Variants in TNFRSF10D observed in about 807,000 individuals in gnomAD.
TNFRSF10D encodes the protein tumor necrosis factor receptor superfamily member 10D.
TNFRSF10D carries 28 observed loss-of-function variants against 42.1 expected under a neutral mutation model. That is an observed-to-expected ratio of 0.66 (90% CI 0.49 to 0.91). TNFRSF10D has a LOEUF of 0.91. Ranked by LOEUF, TNFRSF10D falls within the 40% of genes least tolerant of loss-of-function variation. The probability of loss-of-function intolerance (pLI) is 0.00; values close to 1 mark genes in which losing one functional copy is unlikely to be tolerated. For missense variants in TNFRSF10D, 503 were observed against 486.1 expected (o/e 1.03, Z -0.33); for synonymous variants, 186 against 189.4 (o/e 0.98, Z 0.15).
chr8:23,143,016 G>T (rs1316901383), intron 7 of TNFRSF10D, among the ~76,000 whole-genome samples: 1 of 150,072 alleles, frequency 6.7e-6, no homozygotes, highest in Non-Finnish European at 1.5e-5. Context: ...TGACTCTGTA[G>T]CCCAGGCTGG....
In TNFRSF10D at chr8:23,138,040, C is replaced by G. The variant is rs372650985; in HGVS notation, c.1028-37G>C. 2,363 of 1,611,202 alleles carry G rather than the reference C, an allele frequency of 1.5e-3. No individual in the cohort carries two copies. In the African/African-American group the frequency reaches 0.018, roughly 12 times the overall value. The stretch of plus-strand genomic sequence containing the variant: ...GAAGAGATTTAGGGTCTCAATGCTC[C>G]AAGGACGATCAGCACAGGATCGACA... On this transcript the variant is annotated intron_variant, in intron 8 of 8. Transcript: ENST00000312584.
Position 23,136,659 on chromosome 8 carries a change from C to G in TNFRSF10D, c.*1211G>C, listed in dbSNP as rs1453370434. On this transcript the variant is annotated 3_prime_UTR_variant, in exon 9 of 9. Transcript: ENST00000312584. ...CGGATCTAACTTAATTCTCACTGTC[C>G]TCATCTGCTGTGGACAAGTCGGAAG... 3 of 152,476 alleles carry G rather than the reference C, an allele frequency of 2.0e-5. No homozygotes were observed. The highest frequency in any genetic ancestry group is 7.2e-5 in the African/African-American group (3 of 41,448). 9.4% of individuals were successfully genotyped at this position (152,476 alleles called of 1,614,324 possible).
In TNFRSF10D at chr8:23,145,626, G is replaced by A. The variant is rs1800107629; in HGVS notation, c.736+42C>T. ...GTGGGAACGGAGTGGGAGAGGGCAGGGCAGACAGTGCCCAGCGCTCCCACC... is the reference window on the plus strand; with the variant it reads ...GTGGGAACGGAGTGGGAGAGGGCAGAGCAGACAGTGCCCAGCGCTCCCACC... On this transcript the variant is annotated intron_variant, in intron 5 of 8. Coordinates refer to ENST00000312584, the MANE Select transcript of TNFRSF10D (RefSeq NM_003840.5). 3 of 1,611,674 alleles carry A rather than the reference G, an allele frequency of 1.9e-6. No individual in the cohort carries two copies. The South Asian group carries it at 3.3e-5, about 18-fold the overall frequency.
chr8:23,148,505 C>T lies in TNFRSF10D; in HGVS notation c.303G>A (p.Glu101=). Residue 101 remains glutamate, a synonymous_variant, in exon 3 of 9, where the codon GAG becomes GAA. Coordinates refer to ENST00000312584, the MANE Select transcript of TNFRSF10D (RefSeq NM_003840.5). The stretch of plus-strand genomic sequence containing the variant: ...TGGAAGCAATGGTGTAATCCACACC[C>T]TCTGTGCACGGGTTACAGGCTCCAG... ...EYTGACNPCT[E]GVDYTIASNN... 3 of 1,611,120 alleles carry T rather than the reference C, an allele frequency of 1.9e-6. No individual in the cohort carries two copies.
chr8:23,141,800 TA>T (rs1389776477), intron 7 of TNFRSF10D, among the ~76,000 whole-genome samples: 3 of 152,100 alleles, frequency 2.0e-5, no homozygotes, highest in South Asian at 4.1e-4. Flanking sequence ...TGGCGATTAT[TA>T]AAAAGCCAGT....
At chr8:23,156,089 C>T (rs1363438146) in intron 1 of TNFRSF10D, among the ~76,000 whole-genome samples, 1 of 152,072 alleles carries the variant, frequency 6.6e-6, no homozygotes, top group Non-Finnish European at 1.5e-5. Flanking sequence ...ATAGAGTCTG[C>T]ATATTAGATA....
rs373166844 is a variant in TNFRSF10D at position 23,146,849 on chromosome 8, G to C, written c.482+112C>G. ...GCTCAGGAAACCCCACAGGCTCAGG[G>C]AGGCCTCGGGCCTGGAGGATCCATG... is the stretch of plus-strand genomic sequence containing the variant. On this transcript the variant is annotated intron_variant, in intron 4 of 8. Coordinates refer to ENST00000312584, the MANE Select transcript of TNFRSF10D (RefSeq NM_003840.5). 9.7e-4 allele frequency: 865 copies of C among 888,438 alleles called. 10 individuals carry two copies. In the South Asian group the frequency reaches 0.01, roughly 11 times the overall value. 55.0% of individuals were successfully genotyped at this position (888,438 alleles called of 1,614,324 possible).
At chr8:23,138,734 T>C (rs777940364) in intron 7 of TNFRSF10D, among the ~76,000 whole-genome samples, 3 of 152,204 alleles carry the variant, frequency 2.0e-5, no homozygotes, top group Non-Finnish European at 4.4e-5. Context: ...ACCATATCAA[T>C]AGCGTAATTA....
At chr8:23,138,364 T>C (rs71515815) in intron 7 of TNFRSF10D, 104 bp from the exon 8 acceptor site, 2,506 of 1,220,384 alleles carry the variant, frequency 2.1e-3, no homozygotes, top group African/African-American at 0.02. Flanking sequence ...CTTTCCCTCT[T>C]GGGTCTCCAT....
intron 7 of TNFRSF10D, among the ~76,000 whole-genome samples, chr8:23,142,128 G>C (rs557621289): frequency 2.1e-4 from 32 of 152,214 alleles, no homozygotes; most frequent in African/African-American, 7.7e-4. Context: ...AAAATTAGCC[G>C]GGTATGGTGG....
intron 1 of TNFRSF10D, among the ~76,000 whole-genome samples, chr8:23,161,604 T>A (rs1385584896): frequency 5.9e-3 from 901 of 152,218 alleles, no homozygotes; most frequent in African/African-American, 0.019. Context: ...CTGTCTCATC[T>A]GGATCCCCCG....
Position 23,144,622 on chromosome 8 carries a change from C to T in TNFRSF10D, c.782G>A (p.Arg261Gln), listed in dbSNP as rs61755335. ...AGGAACTCGTGAAGGACATGAACGC[C>T]GCCGGAAAAGGACCTTGGGAAGACA... The part of the protein sequence containing the change: ...PERVHRVLFR[R>Q]RSCPSRVPGA... Residue 261 changes from arginine (R) to glutamine (Q), a missense_variant, in exon 7 of 9, where the codon CGG (arginine) becomes CAG (glutamine). Coordinates refer to ENST00000312584, the MANE Select transcript of TNFRSF10D (RefSeq NM_003840.5). 8.5e-4 allele frequency: 1,378 copies of T among 1,613,510 alleles called. 1 individual carries two copies. The South Asian group carries it at 9.6e-3, about 11-fold the overall frequency.
At chr8:23,163,692 G>A (rs1423118154) in intron 1 of TNFRSF10D, 94 bp downstream of exon 1, 22 of 1,520,502 alleles carry the variant, frequency 1.4e-5, no homozygotes, top group Middle Eastern at 1.7e-4. Flanking sequence ...CAGGCGACCC[G>A]GGCCAAGCAT....
chr8:23,145,351 T>C (rs146216736), intron 5 of TNFRSF10D, among the ~76,000 whole-genome samples: 32 of 152,300 alleles, frequency 2.1e-4, no homozygotes, highest in African/African-American at 7.7e-4. Flanking sequence ...CCACTTCTCA[T>C]CCTGACCCTT....
intron 1 of TNFRSF10D, among the ~76,000 whole-genome samples, chr8:23,156,354 A>G (rs967045566): frequency 6.6e-6 from 1 of 151,704 alleles, no homozygotes; most frequent in Non-Finnish European, 1.5e-5. Context: ...GCTCTGTTCA[A>G]CTACCTGGCT....
rs574834043 is a variant in TNFRSF10D at position 23,149,017 on chromosome 8, C to G, written c.257-466G>C. ...CATCCTGGCTAACACAGTGAAACCCCATCTCTACTAAAAATACAAAAAATT... is the reference window on the plus strand; with the variant it reads ...CATCCTGGCTAACACAGTGAAACCCGATCTCTACTAAAAATACAAAAAATT... On this transcript the variant is annotated intron_variant, in intron 2 of 8. Transcript: ENST00000312584. 2.0e-5 allele frequency among the ~76,000 whole-genome samples: 3 copies of G among 151,326 alleles called. No individual in the cohort carries two copies. In the South Asian group the frequency reaches 6.3e-4, roughly 32 times the overall value.
At chr8:23,149,428 G>A (rs959474834) in intron 2 of TNFRSF10D, among the ~76,000 whole-genome samples, 14 of 151,186 alleles carry the variant, frequency 9.3e-5, no homozygotes, top group African/African-American at 1.7e-4. Context: ...TAGTTGACAC[G>A]GTGTATCATC....
In TNFRSF10D at chr8:23,149,277, AC is replaced by A. The variant is rs1800178517; in HGVS notation, c.257-727del. On this transcript the variant is annotated intron_variant, in intron 2 of 8. Coordinates refer to ENST00000312584, the MANE Select transcript of TNFRSF10D (RefSeq NM_003840.5). ...TTGGAGACAGAGTTTCACTCTTGTC[AC>A]CCAGGCTGGAGGGCAATGGCGCGAC... Among the ~76,000 whole-genome samples, 3 of 151,492 alleles carry A rather than the reference AC, an allele frequency of 2.0e-5. No individual in the cohort carries two copies. In the South Asian group the frequency reaches 6.3e-4, roughly 32 times the overall value.
intron 7 of TNFRSF10D, among the ~76,000 whole-genome samples, chr8:23,138,807 AT>A (rs1170140979): frequency 6.0e-3 from 910 of 152,162 alleles, no homozygotes; most frequent in African/African-American, 0.019. Flanking sequence ...AGCAATTCTG[AT>A]TTTTTTCAAA....
Sources: allele counts gnomAD v4.1 joint callset (sites outside exome capture counted in the v4.1 genomes callset), GRCh38; gene constraint gnomAD v4.1.1; transcripts MANE v1.5; gene names NCBI Gene and HGNC (gene_info 2026-07-23, HGNC 2026-07-21).